CACNG3: variants seen among roughly 807,000 people sequenced by gnomAD.
CACNG3 encodes voltage-dependent calcium channel gamma-3 subunit.
Under a neutral mutation model 28.5 loss-of-function variants are expected in CACNG3, and 3 were observed. The ratio of observed to expected loss-of-function variants is 0.11; its 90% CI spans 0.05 to 0.27. The LOEUF is 0.27. Among genes scored for constraint, CACNG3 ranks in the 10% least tolerant of loss-of-function variants. The pLI is 1.00. For missense variants in CACNG3, 236 were observed against 414.4 expected (o/e 0.57, Z 3.74); for synonymous variants, 174 against 162.2 (o/e 1.07, Z -0.55).
chr16:24,286,431 CACATAT>C (rs762655784), intron 1 of CACNG3, among the ~76,000 whole-genome samples: 2 of 150,702 alleles, frequency 1.3e-5, no homozygotes, highest in South Asian at 2.1e-4. Flanking sequence ...CACACACACA[CACATAT>C]ATATATATCA....
rs534153748 is a variant in CACNG3, at chr16:24,345,514, A to G, written c.212-1220A>G. ...TCAGGAGTTCGAGATCAGCCTGGTC[A>G]ACATGGTGAAACCCATCTCTCCTAA... is the stretch of plus-strand genomic sequence containing the variant. On this transcript the variant is annotated intron_variant, in intron 1 of 3. Coordinates refer to ENST00000005284, the MANE Select transcript of CACNG3 (RefSeq NM_006539.4). Among the ~76,000 whole-genome samples, 6 of 152,202 alleles carry G rather than the reference A, an allele frequency of 3.9e-5. No individual in the cohort carries two copies. The East Asian group carries it at 1.2e-3, about 29-fold the overall frequency.
intron 2 of CACNG3, among the ~76,000 whole-genome samples, chr16:24,351,702 A>G (rs145568607): frequency 5.1e-5 from 4 of 78,696 alleles, no homozygotes; most frequent in Non-Finnish European, 1.0e-4. Context: ...AAGAAAGAGA[A>G]AGAAAGAAAG....
At chr16:24,290,570 C>T (rs1449253671) in intron 1 of CACNG3, among the ~76,000 whole-genome samples, 1 of 152,156 alleles carries the variant, frequency 6.6e-6, no homozygotes, top group Non-Finnish European at 1.5e-5. Flanking sequence ...GTGTCTTCAC[C>T]TCTAATGGGG....
chr16:24,273,323 T>C (rs1567207930), intron 1 of CACNG3, among the ~76,000 whole-genome samples: 1 of 152,240 alleles, frequency 6.6e-6, no homozygotes, highest in Non-Finnish European at 1.5e-5. Context: ...CCTGCCATGA[T>C]AGGTGAGGAT....
intron 1 of CACNG3, among the ~76,000 whole-genome samples, chr16:24,268,929 G>A (rs1297172266): frequency 6.6e-6 from 1 of 152,202 alleles, no homozygotes; most frequent in Admixed American, 6.5e-5. Flanking sequence ...GGGCTTGGAT[G>A]ACTCTGTAAC....
intron 1 of CACNG3, among the ~76,000 whole-genome samples, chr16:24,277,731 G>T (rs184749673): frequency 7.0e-6 from 1 of 143,118 alleles, no homozygotes; most frequent in African/African-American, 2.6e-5. Flanking sequence ...AGTGAGCAGA[G>T]ATTGCACCAC....
At chr16:24,286,030 G>A (rs762718909) in intron 1 of CACNG3, among the ~76,000 whole-genome samples, 8 of 151,978 alleles carry the variant, frequency 5.3e-5, no homozygotes, top group Non-Finnish European at 1.5e-5. Context: ...TTTTGGTAGC[G>A]ATGGGGTCTC....
chr16:24,302,738 C>A (rs928361978), intron 1 of CACNG3, among the ~76,000 whole-genome samples: 1 of 152,136 alleles, frequency 6.6e-6, no homozygotes, highest in African/African-American at 2.4e-5. Flanking sequence ...CGGCTCACTG[C>A]AAACTCTGCC....
Position 24,361,762 on chromosome 16 carries a change from G to C in CACNG3, c.847G>C (p.Asp283His), listed in dbSNP as rs779008969. The change falls in exon 4 of 4, where the codon GAC (aspartate) becomes CAC (histidine). Residue 283 changes from aspartate (D) to histidine (H), a missense_variant. Physicochemically the swap from Asp to His is moderately conservative, Grantham distance 81. Coordinates refer to ENST00000005284, the MANE Select transcript of CACNG3 (RefSeq NM_006539.4). This position sits in a 1 kb window ranked among gnomAD's most constrained non-coding sequence, Gnocchi z 6.8. ...CACCATGGGGACCCTCCTCAACTCC[G>C]ACCGGGACCACGCTTTTCTACAGTT... ...KITMGTLLNS[D>H]RDHAFLQFHN... is the part of the protein sequence containing the mutation. 1 of 1,613,916 alleles carries C rather than the reference G, an allele frequency of 6.2e-7. No homozygotes were observed. The highest frequency in any genetic ancestry group is 8.5e-7 in the Non-Finnish European group (1 of 1,179,978).
At chr16:24,341,696 T>C (rs1301187635) in intron 1 of CACNG3, among the ~76,000 whole-genome samples, 1 of 152,176 alleles carries the variant, frequency 6.6e-6, no homozygotes, top group Non-Finnish European at 1.5e-5. Context: ...TGAGTCAGGA[T>C]TCATGCCTAC....
At chr16:24,312,248 T>TC (rs1295270288) in intron 1 of CACNG3, among the ~76,000 whole-genome samples, 1 of 152,166 alleles carries the variant, frequency 6.6e-6, no homozygotes, top group Non-Finnish European at 1.5e-5. Context: ...CTCCAACTCT[T>TC]CCTGTCATAA....
intron 1 of CACNG3, among the ~76,000 whole-genome samples, chr16:24,265,800 G>T (rs1181540344): frequency 1.3e-5 from 2 of 152,060 alleles, no homozygotes; most frequent in African/African-American, 4.8e-5. Context: ...TTTATTTCTT[G>T]TCATTTATAT....
intron 3 of CACNG3, among the ~76,000 whole-genome samples, chr16:24,357,026 G>A (rs1382960836): frequency 6.6e-6 from 1 of 152,034 alleles, no homozygotes; most frequent in Non-Finnish European, 1.5e-5. Flanking sequence ...CATGAGGTCA[G>A]GAGTTTGAGA....
chr16:24,277,917 G>A (rs1898774263), intron 1 of CACNG3, among the ~76,000 whole-genome samples: 1 of 152,040 alleles, frequency 6.6e-6, no homozygotes, highest in Non-Finnish European at 1.5e-5. Context: ...ATCTTACTAT[G>A]TTGCCCAGGC....
intron 1 of CACNG3, among the ~76,000 whole-genome samples, chr16:24,345,790 C>T (rs114575252): frequency 0.026 from 3,933 of 152,156 alleles, 65 homozygotes; most frequent in African/African-American, 0.035. Flanking sequence ...AACCTCATAG[C>T]GAGGGAGATG....
rs556193191 is a variant in CACNG3 at position 24,345,908 on chromosome 16, G to T, written c.212-826G>T. ...TCTGGAATGCCTGGACTCAGCTCTTGATTGGAATGCCGGTTCTATTTAGGT... is the reference window on the plus strand; with the variant it reads ...TCTGGAATGCCTGGACTCAGCTCTTTATTGGAATGCCGGTTCTATTTAGGT... On this transcript the variant is annotated intron_variant, in intron 1 of 3. Transcript: ENST00000005284. 2.6e-5 allele frequency among the ~76,000 whole-genome samples: 4 copies of T among 152,278 alleles called. No individual in the cohort carries two copies. In the South Asian group the frequency reaches 8.3e-4, roughly 32 times the overall value.
At chr16:24,280,008 T>C (rs1898804033) in intron 1 of CACNG3, among the ~76,000 whole-genome samples, 1 of 152,206 alleles carries the variant, frequency 6.6e-6, no homozygotes, top group African/African-American at 2.4e-5. Context: ...GCTTTTTTGA[T>C]CAGGAAACAG....
chr16:24,355,017 C>G, intron 3 of CACNG3, 44 bp downstream of exon 3: 3 of 1,588,222 alleles, frequency 1.9e-6, no homozygotes, highest in African/African-American at 1.3e-5. Context: ...AGATACCAAA[C>G]TGAAGCCAGG....
At chr16:24,314,169 A>G (rs1181427275) in intron 1 of CACNG3, among the ~76,000 whole-genome samples, 1 of 152,234 alleles carries the variant, frequency 6.6e-6, no homozygotes, top group African/African-American at 2.4e-5. Flanking sequence ...TATGCTTGTC[A>G]TGGGTTACTG....
Sources: allele counts gnomAD v4.1 joint callset (sites outside exome capture counted in the v4.1 genomes callset), GRCh38; gene constraint gnomAD v4.1.1; non-coding constraint Gnocchi (gnomAD v3.1); transcripts MANE v1.5; gene names NCBI Gene and HGNC (gene_info 2026-07-23, HGNC 2026-07-21).